MLPH: variants seen among roughly 807,000 people sequenced by gnomAD.
The protein encoded by MLPH is melanophilin, also known as exophilin-3.
In MLPH, 51 loss-of-function variants were observed where a neutral mutation model predicts 72.1. The ratio of observed to expected loss-of-function variants is 0.71; its 90% CI spans 0.56 to 0.89. The LOEUF is 0.89. Among genes scored for constraint, MLPH ranks in the 40% least tolerant of loss-of-function variants. The probability of loss-of-function intolerance (pLI) is 0.00; values close to 1 mark genes in which losing one functional copy is unlikely to be tolerated. For missense variants in MLPH, 743 were observed against 759.9 expected (o/e 0.98, Z 0.26); for synonymous variants, 301 against 310.1 (o/e 0.97, Z 0.31).
At chr2:237,547,875 G>A (rs376925905) in intron 13 of MLPH, among the ~76,000 whole-genome samples, 2 of 152,124 alleles carry the variant, frequency 1.3e-5, no homozygotes, top group Admixed American at 6.5e-5. Flanking sequence ...GAGTGGTTAG[G>A]GGTAGGATGA....
chr2:237,529,294 C>T (rs923184424), intron 8 of MLPH, among the ~76,000 whole-genome samples: 1 of 152,150 alleles, frequency 6.6e-6, no homozygotes, highest in Non-Finnish European at 1.5e-5. Context: ...CTGCCCACCT[C>T]GGCCTCCCAA....
intron 7 of MLPH, 95 bp downstream of exon 7, chr2:237,525,900 G>A (rs1016899610): frequency 5.7e-6 from 7 of 1,235,432 alleles, no homozygotes; most frequent in East Asian, 5.0e-5. Flanking sequence ...TCCAACACAC[G>A]GGCTGATTTG....
chr2:237,537,481 G>C (rs2080560356), intron 9 of MLPH: 1 of 152,130 alleles, frequency 6.6e-6, no homozygotes, highest in Non-Finnish European at 1.5e-5. Flanking sequence ...CTCATATCAG[G>C]CCCAATGGCG....
chr2:237,518,435 C>A, intron 4 of MLPH, 104 bp from the exon 5 acceptor site: 1 of 886,026 alleles, frequency 1.1e-6, no homozygotes. Context: ...GAGGGATGGG[C>A]AGGTAGATGG....
At chr2:237,524,914 A>AAGCC (rs2080269757) in intron 6 of MLPH, among the ~76,000 whole-genome samples, 1 of 152,060 alleles carries the variant, frequency 6.6e-6, no homozygotes, top group Non-Finnish European at 1.5e-5. Flanking sequence ...GAGGAGGGGG[A>AAGCC]AGCAGGGTGG....
intron 1 of MLPH, among the ~76,000 whole-genome samples, chr2:237,489,384 T>C (rs2079383811): frequency 6.6e-6 from 1 of 152,226 alleles, no homozygotes; most frequent in South Asian, 2.1e-4. Flanking sequence ...TTCCAGACCC[T>C]TGTGGCTACA....
chr2:237,499,716 T>A (rs375585781), intron 2 of MLPH, among the ~76,000 whole-genome samples: 8 of 152,232 alleles, frequency 5.3e-5, no homozygotes, highest in South Asian at 2.1e-4. Flanking sequence ...AAGCAAGTTG[T>A]GAAAATGTAA....
At chr2:237,526,343 G>A (rs560520937) in intron 7 of MLPH, among the ~76,000 whole-genome samples, 13 of 152,102 alleles carry the variant, frequency 8.5e-5, no homozygotes, top group East Asian at 1.9e-4. Context: ...ATGTCCCATC[G>A]GAACAGGAGC....
chr2:237,532,689 A>G (rs373427669), intron 8 of MLPH, among the ~76,000 whole-genome samples: 1 of 152,242 alleles, frequency 6.6e-6, no homozygotes, highest in Admixed American at 6.5e-5. Context: ...TATCTAAGTA[A>G]TGTGATAATC....
rs185949543 is a variant in MLPH, at chr2:237,497,400, T to C, written c.110+3864T>C. ...TTTGTTGACTGCCCTATTGGTTAAATATGTCACTAAAAGGAGAGCTGCCTC... is the reference window on the plus strand; with the variant it reads ...TTTGTTGACTGCCCTATTGGTTAAACATGTCACTAAAAGGAGAGCTGCCTC... On this transcript the variant is annotated intron_variant, in intron 2 of 15. Coordinates refer to ENST00000264605, the MANE Select transcript of MLPH (RefSeq NM_024101.7). Among the ~76,000 whole-genome samples, 240 of 152,324 alleles carry C rather than the reference T, an allele frequency of 1.6e-3. 1 individual carries two copies. The highest frequency in any genetic ancestry group is 2.7e-3 in the Non-Finnish European group (186 of 68,026).
At chr2:237,514,364 G>A (rs1293074809) in intron 4 of MLPH, among the ~76,000 whole-genome samples, 1 of 152,108 alleles carries the variant, frequency 6.6e-6, no homozygotes, top group African/African-American at 2.4e-5. Flanking sequence ...CTCTCAAAGT[G>A]CTGGGATTAC....
intron 2 of MLPH, among the ~76,000 whole-genome samples, chr2:237,499,036 C>T (rs10177348): frequency 0.12 from 17,927 of 151,896 alleles, 3,273 homozygotes; most frequent in African/African-American, 0.39. Context: ...CTCTTTTTCC[C>T]GCTGGCCCAT....
intron 2 of MLPH, among the ~76,000 whole-genome samples, chr2:237,506,566 T>G (rs967481695): frequency 6.6e-6 from 1 of 152,158 alleles, no homozygotes; most frequent in African/African-American, 2.4e-5. Context: ...AGGGGGTACG[T>G]GACTGGGGGC....
At chr2:237,545,416 G>T in intron 12 of MLPH, 1 of 1,273,534 alleles carries the variant, frequency 7.9e-7, no homozygotes, top group Non-Finnish European at 1.0e-6. Flanking sequence ...CTTTGTTGGG[G>T]TTCATTTTTG....
chr2:237,548,113 A>T (rs1298338502), intron 13 of MLPH, among the ~76,000 whole-genome samples: 1 of 152,210 alleles, frequency 6.6e-6, no homozygotes, highest in Non-Finnish European at 1.5e-5. Flanking sequence ...TGATGAACAA[A>T]CCAGCCGGCT....
chr2:237,505,727 G>C lies in MLPH; in HGVS notation c.111-4847G>C, dbSNP rs574420943. 2.0e-5 allele frequency among the ~76,000 whole-genome samples: 3 copies of C among 152,104 alleles called. No individual in the cohort carries two copies. Among genetic ancestry groups the C allele is most frequent in the Non-Finnish European group, 2.9e-5 (2 of 68,022 alleles). On this transcript the variant is annotated intron_variant, in intron 2 of 15. Transcript: ENST00000264605. This position sits in a 1 kb window ranked among gnomAD's most constrained non-coding sequence, Gnocchi z 4.5. ...GGAGCGGCCTTTCCTTCCTGTTCCCGTCCTAGAAGCGTTTTCCTTCCCTGG... is the reference window on the plus strand; with the variant it reads ...GGAGCGGCCTTTCCTTCCTGTTCCCCTCCTAGAAGCGTTTTCCTTCCCTGG...
intron 9 of MLPH, 36 bp from the exon 10 acceptor site, chr2:237,540,312 C>G (rs1390974974): frequency 6.2e-7 from 1 of 1,610,698 alleles, no homozygotes; most frequent in Admixed American, 1.7e-5. Context: ...CTCCAGATGG[C>G]TAGCCGAATC....
In MLPH at chr2:237,505,432, G is replaced by C. The variant is rs1180704529; in HGVS notation, c.111-5142G>C. ...GGGATGTGGATTCCCCACCACCCCA[G>C]CACCCAACGCAAGTGGAGGCCCACA... On this transcript the variant is annotated intron_variant, in intron 2 of 15. Transcript: ENST00000264605. This position sits in a 1 kb window ranked among gnomAD's most constrained non-coding sequence, Gnocchi z 4.5. Among the ~76,000 whole-genome samples, 2 of 152,146 alleles carry C rather than the reference G, an allele frequency of 1.3e-5. No homozygotes were observed. The highest frequency in any genetic ancestry group is 2.9e-5 in the Non-Finnish European group (2 of 68,030).
intron 9 of MLPH, among the ~76,000 whole-genome samples, chr2:237,537,970 G>A (rs186945483): frequency 1.3e-3 from 194 of 152,316 alleles, no homozygotes; most frequent in African/African-American, 3.9e-3. Flanking sequence ...TCGGAATGTG[G>A]GATGGATGAG....
Sources: gnomAD v4.1 joint callset for allele counts (sites outside exome capture counted in the v4.1 genomes callset) on GRCh38, gnomAD v4.1.1 for gene constraint, Gnocchi (gnomAD v3.1) non-coding constraint, MANE v1.5 for transcripts, NCBI Gene and HGNC (gene_info 2026-07-23, HGNC 2026-07-21) for gene names.